The following XPO1 variants were observed in gnomAD, a reference collection of about 807,000 sequenced individuals.
XPO1 encodes the protein exportin-1.
Under a neutral mutation model 133.3 loss-of-function variants are expected in XPO1, and 5 were observed. That is an observed-to-expected ratio of 0.04 (90% confidence interval 0.02 to 0.08). The LOEUF (loss-of-function observed/expected upper bound fraction) is 0.08, where lower values mean the gene tolerates loss of function less well. XPO1 is among the 10% of genes least tolerant of loss of function. The pLI, the probability that XPO1 is intolerant of heterozygous loss-of-function variation, is 1.00. For synonymous variants in XPO1, 419 were observed against 408.2 expected, an observed-to-expected ratio of 1.03 and a Z score of -0.32; for missense variants, 506 against 1,267.5, an observed-to-expected ratio of 0.40 and a Z score of 9.12.
At chr2:61,499,388 A>G (rs747419688) in intron 7 of XPO1, among the ~76,000 whole-genome samples, 1 of 152,208 alleles carries the variant, frequency 6.6e-6, no homozygotes, top group Non-Finnish European at 1.5e-5. Flanking sequence ...ACTCCACCCC[A>G]GGCAATAGAG....
chr2:61,513,266 T>C (rs1698184445), intron 4 of XPO1, among the ~76,000 whole-genome samples: 1 of 152,100 alleles, frequency 6.6e-6, no homozygotes, highest in African/African-American at 2.4e-5. Flanking sequence ...CTCCCAGTGC[T>C]GGGATTACAA....
intron 9 of XPO1, among the ~76,000 whole-genome samples, chr2:61,497,619 G>T (rs1697304546): frequency 6.6e-6 from 1 of 152,110 alleles, no homozygotes; most frequent in African/African-American, 2.4e-5. Context: ...TAATTACACA[G>T]GACCTAAAAC....
intron 9 of XPO1, among the ~76,000 whole-genome samples, chr2:61,497,569 A>C (rs971098539): frequency 6.6e-6 from 1 of 152,150 alleles, no homozygotes; most frequent in Non-Finnish European, 1.5e-5. Context: ...ACTTTCCTAG[A>C]ATCTGTGATA....
intron 19 of XPO1, among the ~76,000 whole-genome samples, chr2:61,486,451 C>T (rs1475302290): frequency 8.7e-6 from 1 of 114,836 alleles, no homozygotes; most frequent in Non-Finnish European, 1.9e-5. Context: ...GCAAGCGAGC[C>T]CTCAATACTG....
chr2:61,504,116 TACA>T (rs1429215208), intron 4 of XPO1, among the ~76,000 whole-genome samples: 1 of 152,118 alleles, frequency 6.6e-6, no homozygotes, highest in African/African-American at 2.4e-5. Flanking sequence ...ATATTAGAAA[TACA>T]ACATTAACTT....
chr2:61,531,146 G>A (rs1266922693), intron 2 of XPO1, among the ~76,000 whole-genome samples: 1 of 152,156 alleles, frequency 6.6e-6, no homozygotes, highest in Admixed American at 6.5e-5. Context: ...CCAAGGAGGT[G>A]GTAAACGAAA....
chr2:61,520,671 AT>A (rs1290857381), intron 4 of XPO1, among the ~76,000 whole-genome samples: 4 of 152,276 alleles, frequency 2.6e-5, no homozygotes, highest in Admixed American at 2.6e-4. Flanking sequence ...AGAAACAAAA[AT>A]TTTTTAAATT....
chr2:61,514,329 A>G (rs1478379894), intron 4 of XPO1, among the ~76,000 whole-genome samples: 1 of 152,148 alleles, frequency 6.6e-6, no homozygotes, highest in African/African-American at 2.4e-5. Flanking sequence ...GTGGTGGCTC[A>G]TGCCTGTAAT....
intron 9 of XPO1, 103 bp downstream of exon 9, chr2:61,498,570 A>C: frequency 6.9e-7 from 1 of 1,454,958 alleles, no homozygotes; most frequent in Non-Finnish European, 9.2e-7. Flanking sequence ...TCGTGTTAGA[A>C]ACAAGGTTGA....
In XPO1 at chr2:61,499,860, G is replaced by T; in HGVS notation, c.443C>A (p.Thr148Asn). ...LKQEWPKHWP[T>N]FISDIVGASR... ...TGCTCCAACAATATCACTGATAAAA[G>T]TTGGCCAATGTTTGGGCCATTCTTG... is the stretch of plus-strand genomic sequence containing the variant. Residue 148 changes from threonine (T) to asparagine (N), a missense_variant, in exon 7 of 25, where the codon ACT (threonine) becomes AAT (asparagine). Around this residue, in one of 6 missense-constraint regions of XPO1, gnomAD observed 68 missense variants for 210.5 expected, o/e 0.32. Transcript: ENST00000401558. 1 of 1,611,218 alleles carries T rather than the reference G, an allele frequency of 6.2e-7. No homozygotes were observed. Among genetic ancestry groups the T allele is most frequent in the Non-Finnish European group, 8.5e-7 (1 of 1,179,406 alleles).
At chr2:61,520,345 A>C (rs1273602627) in intron 4 of XPO1, among the ~76,000 whole-genome samples, 1 of 152,226 alleles carries the variant, frequency 6.6e-6, no homozygotes, top group Non-Finnish European at 1.5e-5. Context: ...CCCAGTTAAA[A>C]TTAAAAAGGT....
At position 61,483,426 on chromosome 2, in the gene XPO1, G is replaced by C. The variant is rs192590536; in HGVS notation, c.2678-335C>G. 1.6e-3 allele frequency: 365 copies of C among 228,020 alleles called. 3 individuals carry two copies. Among genetic ancestry groups the C allele is most frequent in the Middle Eastern group, 0.015 (9 of 616 alleles). 14.1% of individuals were successfully genotyped at this position (228,020 alleles called of 1,614,324 possible). ...ATAAGGTGGAGTTCATACACATGAG[G>C]GATAAGACTACACATAAAGTAGAGT... On this transcript the variant is annotated intron_variant, in intron 21 of 24. Transcript: ENST00000401558.
In XPO1 at chr2:61,511,594, G is replaced by C. The variant is rs1394112804; in HGVS notation, c.302-9284C>G. Among the ~76,000 whole-genome samples, 3 of 152,146 alleles carry C rather than the reference G, an allele frequency of 2.0e-5. No homozygotes were observed. The East Asian group carries it at 5.8e-4, about 29-fold the overall frequency. On this transcript the variant is annotated intron_variant, in intron 4 of 24. Transcript: ENST00000401558. ...ACACTGCTAGTTTTCTGTATTTTTA[G>C]TAGAGAGAAGTCTAACTATCTTGTC...
intron 4 of XPO1, among the ~76,000 whole-genome samples, chr2:61,514,105 T>C (rs1162442373): frequency 1.3e-5 from 2 of 151,228 alleles, no homozygotes; most frequent in African/African-American, 4.9e-5. Flanking sequence ...GAGAATCGCT[T>C]GAACCCAGGA....
At chr2:61,498,595 G>A in intron 9 of XPO1, 78 bp downstream of exon 9, 5 of 1,552,832 alleles carry the variant, frequency 3.2e-6, no homozygotes, top group Non-Finnish European at 4.4e-6. Context: ...GGTTTAGAAT[G>A]CAGAGATGAG....
intron 7 of XPO1, 145 bp from the exon 8 acceptor site, chr2:61,499,058 G>A (rs981611298): frequency 1.1e-6 from 1 of 929,272 alleles, no homozygotes; most frequent in African/African-American, 1.7e-5. Flanking sequence ...ATGGCAGAAG[G>A]ATTGTTTGAG....
At chr2:61,509,158 C>T (rs982586093) in intron 4 of XPO1, among the ~76,000 whole-genome samples, 3 of 151,644 alleles carry the variant, frequency 2.0e-5, no homozygotes, top group Non-Finnish European at 1.5e-5. Context: ...CCCGTCACCA[C>T]GCCCAGCTGA....
Position 61,485,781 on chromosome 2 carries a change from T to G in XPO1, c.2495A>C (p.Asn832Thr). 1 of 1,612,666 alleles carries G rather than the reference T, an allele frequency of 6.2e-7. No homozygotes were observed. The highest frequency in any genetic ancestry group is 8.5e-7 in the Non-Finnish European group (1 of 1,179,232). The change falls in exon 20 of 25, where the codon AAT (asparagine) becomes ACT (threonine). Residue 832 changes from asparagine to threonine, a missense_variant. Physicochemically the swap from Asn to Thr is moderately conservative, Grantham distance 65. Around this residue, in one of 6 missense-constraint regions of XPO1, gnomAD observed 203 missense variants for 365.9 expected, o/e 0.55. Coordinates refer to ENST00000401558, the MANE Select transcript of XPO1 (RefSeq NM_003400.4). ...IFDAVFECTLNMINKDFEEYP... is the reference protein window; with the variant it reads ...IFDAVFECTLTMINKDFEEYP... ...AATATTACACACCTTATTTATCATA[T>G]TCAATGTGCATTCAAAAACAGCATC...
intron 9 of XPO1, among the ~76,000 whole-genome samples, chr2:61,498,047 A>T (rs1310000281): frequency 6.6e-6 from 1 of 152,252 alleles, no homozygotes; most frequent in Non-Finnish European, 1.5e-5. Flanking sequence ...AACATCTGAA[A>T]ATATAATACA....
Sources: allele counts gnomAD v4.1 joint callset (sites outside exome capture counted in the v4.1 genomes callset), GRCh38; gene constraint gnomAD v4.1.1; regional missense constraint gnomAD v4.1.1; transcripts MANE v1.5; gene names NCBI Gene and HGNC (gene_info 2026-07-23, HGNC 2026-07-21).